PRELID2: variants seen among roughly 807,000 people sequenced by gnomAD.
The protein encoded by PRELID2 is PRELI domain-containing protein 2.
A neutral mutation model predicts 28.4 loss-of-function variants in PRELID2; 25 were observed. The observed-to-expected ratio is 0.88, with a 90% CI of 0.64 to 1.23. The LOEUF (loss-of-function observed/expected upper bound fraction) is 1.23, where lower values mean the gene tolerates loss of function less well. Among genes scored for constraint, PRELID2 ranks in the 50% most tolerant of loss-of-function variants. PRELID2 has a pLI of 0.00. For synonymous variants in PRELID2, 76 were observed against 71.6 expected, an observed-to-expected ratio of 1.06 and a Z score of -0.31; for missense variants, 201 against 214.4, an observed-to-expected ratio of 0.94 and a Z score of 0.39.
chr5:145,832,001 C>G (rs1755621972), intron 1 of PRELID2, among the ~76,000 whole-genome samples: 1 of 152,134 alleles, frequency 6.6e-6, no homozygotes. Context: ...GTTTAAGTCG[C>G]TACGTTTTGG....
chr5:145,345,784 T>C, the PRELID2 span, among the ~76,000 whole-genome samples: 2 of 152,010 alleles, frequency 1.3e-5, no homozygotes, highest in East Asian at 1.9e-4. Context: ...AGATTCAAGA[T>C]TGATGCAGAT....
At chr5:145,555,257 G>A (rs1278698683) in intron 1 of PRELID2, among the ~76,000 whole-genome samples, 1 of 152,040 alleles carries the variant, frequency 6.6e-6, no homozygotes, top group East Asian at 1.9e-4. Context: ...TATTCCTGAG[G>A]TCCCTTTTAG....
chr5:145,655,301 T>C (rs1163244583), intron 1 of PRELID2, among the ~76,000 whole-genome samples: 1 of 152,080 alleles, frequency 6.6e-6, no homozygotes, highest in Non-Finnish European at 1.5e-5. Flanking sequence ...GAAGAATCAA[T>C]ATCATGAAAA....
At chr5:145,442,080 T>C in the PRELID2 span, among the ~76,000 whole-genome samples, 1 of 152,140 alleles carries the variant, frequency 6.6e-6, no homozygotes, top group Non-Finnish European at 1.5e-5. Context: ...ATGTCTACTT[T>C]AATACCATTT....
At chr5:145,440,566 C>A in the PRELID2 span, among the ~76,000 whole-genome samples, 5 of 152,072 alleles carry the variant, frequency 3.3e-5, no homozygotes, top group Non-Finnish European at 5.9e-5. Flanking sequence ...TTACAATGGG[C>A]TGAGGAAAAT....
the PRELID2 span, among the ~76,000 whole-genome samples, chr5:145,446,583 GAT>G: frequency 6.6e-6 from 1 of 152,142 alleles, no homozygotes; most frequent in Non-Finnish European, 1.5e-5. Context: ...ATGGTTTTCA[GAT>G]ATAGTTTGGA....
At chr5:145,457,526 G>A in the PRELID2 span, among the ~76,000 whole-genome samples, 292 of 152,160 alleles carry the variant, frequency 1.9e-3, 6 homozygotes, top group East Asian at 0.045. Context: ...ATTCAGCCTC[G>A]CGGTGAGGAC....
At chr5:145,381,644 CAG>C in the PRELID2 span, 2 of 152,448 alleles carry the variant, frequency 1.3e-5, no homozygotes, top group Non-Finnish European at 2.9e-5. Flanking sequence ...TTTGAAACGT[CAG>C]AGTCTTCCAC....
chr5:145,281,450 A>G, the PRELID2 span, among the ~76,000 whole-genome samples: 1 of 152,172 alleles, frequency 6.6e-6, no homozygotes, highest in Non-Finnish European at 1.5e-5. Flanking sequence ...TGCACAACCA[A>G]TTTAAGCAGT....
In PRELID2 at chr5:145,615,322, T is replaced by TAGGTGGTAGATAG. The variant is rs1179006771; in HGVS notation, n.71-142008_71-142007insCTATCTACCACCT. Among the ~76,000 whole-genome samples the TAGGTGGTAGATAG allele has an allele frequency of 4.7e-4, 48 of 102,802 alleles. 1 individual carries two copies. The highest frequency in any genetic ancestry group is 1.3e-3 in the South Asian group (4 of 3,090). 67.4% of individuals were successfully genotyped at this position (102,802 alleles called of 152,430 possible). ...CCTTATGTGTTATGTGAGTCTCTTT[T>TAGGTGGTAGATAG]TTTTGTTTTTTTTTTTTTTTTTTGA... On this transcript the variant is annotated intron_variant and non_coding_transcript_variant, in intron 1 of 2. Transcript: ENST00000510259.
At chr5:145,475,742 T>C (rs1032171146) in intron 1 of PRELID2, among the ~76,000 whole-genome samples, 2 of 152,182 alleles carry the variant, frequency 1.3e-5, no homozygotes, top group Admixed American at 6.6e-5. Context: ...GGTCAGCTAA[T>C]CTCTCATTAG....
the PRELID2 span, among the ~76,000 whole-genome samples, chr5:145,321,886 G>A: frequency 6.6e-6 from 1 of 152,180 alleles, no homozygotes; most frequent in Non-Finnish European, 1.5e-5. Context: ...TAACATGCAG[G>A]TGGCCCAATC....
At chr5:145,659,880 G>A (rs1422872973) in intron 1 of PRELID2, among the ~76,000 whole-genome samples, 2 of 152,096 alleles carry the variant, frequency 1.3e-5, no homozygotes, top group Non-Finnish European at 2.9e-5. Context: ...ATTGAAATAT[G>A]GTGAGTCTAT....
chr5:145,600,208 A>C (rs1210624937), intron 1 of PRELID2, among the ~76,000 whole-genome samples: 1 of 148,828 alleles, frequency 6.7e-6, no homozygotes, highest in African/African-American at 2.5e-5. Flanking sequence ...AATGAAGTAG[A>C]ATTAAACATT....
chr5:145,544,633 A>G (rs758528076), intron 1 of PRELID2, among the ~76,000 whole-genome samples: 1 of 152,110 alleles, frequency 6.6e-6, no homozygotes, highest in African/African-American at 2.4e-5. Context: ...CTTAAAGATA[A>G]TACATGTCCC....
At chr5:145,556,136 C>T (rs1752877702) in intron 1 of PRELID2, among the ~76,000 whole-genome samples, 1 of 149,366 alleles carries the variant, frequency 6.7e-6, no homozygotes, top group Admixed American at 6.7e-5. Context: ...CAAGATCACG[C>T]CACTGCACTC....
intron 1 of PRELID2, among the ~76,000 whole-genome samples, chr5:145,572,110 C>T (rs1003472509): frequency 6.6e-6 from 1 of 152,174 alleles, no homozygotes. Context: ...TTAACCCACA[C>T]ACTCTCTTCT....
the PRELID2 span, among the ~76,000 whole-genome samples, chr5:145,328,257 G>GT: frequency 6.6e-6 from 1 of 152,160 alleles, no homozygotes; most frequent in African/African-American, 2.4e-5. Context: ...ATGTGCATGT[G>GT]TCTTTATAGT....
At chr5:145,411,399 G>C in the PRELID2 span, among the ~76,000 whole-genome samples, 3 of 152,250 alleles carry the variant, frequency 2.0e-5, no homozygotes, top group African/African-American at 2.4e-5. Flanking sequence ...GATGAGATTT[G>C]GGTGGGGACA....
Sources: allele counts gnomAD v4.1 joint callset (sites outside exome capture counted in the v4.1 genomes callset), GRCh38; gene constraint gnomAD v4.1.1; transcripts MANE v1.5; gene names NCBI Gene and HGNC (gene_info 2026-07-23, HGNC 2026-07-21).